Variants in PIK3R1 observed in about 807,000 individuals in gnomAD.
The protein encoded by PIK3R1 is phosphoinositide-3-kinase regulatory subunit 1.
A neutral mutation model predicts 98.0 loss-of-function variants in PIK3R1; 29 were observed. The ratio of observed to expected loss-of-function variants is 0.30; its 90% CI spans 0.22 to 0.40. The LOEUF (loss-of-function observed/expected upper bound fraction) is 0.40. PIK3R1 is among the 10% of genes least tolerant of loss of function. The pLI is 1.00. For missense variants in PIK3R1, 596 were observed against 872.7 expected, an observed-to-expected ratio of 0.68 and a Z score of 3.99; for synonymous variants, 282 against 311.8, an observed-to-expected ratio of 0.90 and a Z score of 1.01.
chr5:68,262,712 G>T (rs1229929291), intron 2 of PIK3R1, among the ~76,000 whole-genome samples: 160 of 128,844 alleles, frequency 1.2e-3, no homozygotes, highest in East Asian at 3.6e-3. Flanking sequence ...GATGCATGTA[G>T]ATGCATGTAT....
chr5:68,249,407 A>G (rs369049557), intron 2 of PIK3R1, among the ~76,000 whole-genome samples: 83 of 152,284 alleles, frequency 5.5e-4, no homozygotes, highest in African/African-American at 2.0e-3. Context: ...GTCTTTTTGT[A>G]TTATATTTCC....
At chr5:68,217,951 T>A (rs1288351309) in intron 1 of PIK3R1, among the ~76,000 whole-genome samples, 1 of 152,218 alleles carries the variant, frequency 6.6e-6, no homozygotes, top group African/African-American at 2.4e-5. Flanking sequence ...CTTAGTTGCA[T>A]AACAGAACTC....
chr5:68,242,574 A>G (rs1744910212), intron 2 of PIK3R1, among the ~76,000 whole-genome samples: 1 of 152,180 alleles, frequency 6.6e-6, no homozygotes, highest in Non-Finnish European at 1.5e-5. Context: ...CTACTGTGAT[A>G]TGGCTTGCCA....
At chr5:68,288,507 G>C (rs533233762) in intron 7 of PIK3R1, 1 of 1,282,772 alleles carries the variant, frequency 7.8e-7, no homozygotes, top group South Asian at 2.2e-5. Context: ...GCGTGGGGCG[G>C]AGGGACGAGC....
chr5:68,276,006 A>C (rs965386317), intron 4 of PIK3R1, among the ~76,000 whole-genome samples: 3 of 152,204 alleles, frequency 2.0e-5, no homozygotes, highest in Non-Finnish European at 4.4e-5. Context: ...GCTGACCCTC[A>C]GGTAAATAAT....
chr5:68,296,460 G>A (rs565596144), intron 15 of PIK3R1, 119 bp downstream of exon 15: 9 of 898,592 alleles, frequency 1.0e-5, no homozygotes, highest in Non-Finnish European at 5.1e-6. Context: ...TAAGCTTACA[G>A]TACAATAATG....
chr5:68,246,662 C>T (rs1662590663), intron 2 of PIK3R1, among the ~76,000 whole-genome samples: 1 of 152,102 alleles, frequency 6.6e-6, no homozygotes, highest in Admixed American at 6.5e-5. Flanking sequence ...CTCGCTCTGT[C>T]GCCCAGGCTG....
Position 68,297,713 on chromosome 5 carries a change from C to A in PIK3R1, c.*112C>A. ...AATTGAGCTGCAGAAACGAAGCCAT[C>A]TTTCTTTGGATGGGACTAGAGCTTT... On this transcript the variant is annotated 3_prime_UTR_variant, in exon 16 of 16. Coordinates refer to ENST00000521381, the MANE Select transcript of PIK3R1 (RefSeq NM_181523.3). 2.3e-6 allele frequency: 2 copies of A among 871,296 alleles called. No homozygotes were observed. Among genetic ancestry groups the A allele is most frequent in the Non-Finnish European group, 3.6e-6 (2 of 554,718 alleles). 54.0% of individuals were successfully genotyped at this position (871,296 alleles called of 1,614,324 possible). A position where few individuals can be genotyped will look rare whatever the true frequency, so the allele number is the denominator to read the frequency against.
At chr5:68,256,202 A>C (rs892987290) in intron 2 of PIK3R1, among the ~76,000 whole-genome samples, 3 of 151,400 alleles carry the variant, frequency 2.0e-5, no homozygotes, top group Non-Finnish European at 4.4e-5. Context: ...ATATCAAAAA[A>C]AAAGTATAAA....
chr5:68,248,151 T>C (rs1398182777), intron 2 of PIK3R1, among the ~76,000 whole-genome samples: 1 of 152,058 alleles, frequency 6.6e-6, no homozygotes. Flanking sequence ...GGCTAATTTT[T>C]GTATTTTTAG....
At chr5:68,249,997 G>GGAAGA (rs1472104490) in intron 2 of PIK3R1, among the ~76,000 whole-genome samples, 3 of 152,128 alleles carry the variant, frequency 2.0e-5, no homozygotes, top group African/African-American at 7.2e-5. Context: ...GTCACCAAAG[G>GGAAGA]GAAGAGAAAA....
chr5:68,242,169 C>T, intron 2 of PIK3R1, among the ~76,000 whole-genome samples: 1 of 152,182 alleles, frequency 6.6e-6, no homozygotes, highest in East Asian at 1.9e-4. Context: ...GAGTTGTACT[C>T]CTTATAGCAA....
At chr5:68,223,552 A>G (rs1216673077) in intron 1 of PIK3R1, among the ~76,000 whole-genome samples, 1 of 152,116 alleles carries the variant, frequency 6.6e-6, no homozygotes, top group Non-Finnish European at 1.5e-5. Context: ...AGAGTCATAG[A>G]AGATTTGTGG....
intron 7 of PIK3R1, chr5:68,291,179 T>C (rs1747366612): frequency 4.5e-6 from 1 of 220,498 alleles, no homozygotes. Flanking sequence ...GCTGCTTTTC[T>C]CTGTTGCCAG....
chr5:68,256,222 T>C (rs2112087384), intron 2 of PIK3R1, among the ~76,000 whole-genome samples: 1 of 152,354 alleles, frequency 6.6e-6, no homozygotes, highest in Admixed American at 6.5e-5. Context: ...AAACATTTTG[T>C]AATTTTTTAT....
At chr5:68,246,420 C>G (rs1745087726) in intron 2 of PIK3R1, among the ~76,000 whole-genome samples, 2 of 151,410 alleles carry the variant, frequency 1.3e-5, no homozygotes, top group African/African-American at 2.4e-5. Context: ...CCAAGCGATT[C>G]TCCTGCCTTA....
Position 68,299,480 on chromosome 5 carries a change from G to A in PIK3R1, c.*1879G>A, listed in dbSNP as rs1171693283. On this transcript the variant is annotated 3_prime_UTR_variant, in exon 16 of 16. Coordinates refer to ENST00000521381, the MANE Select transcript of PIK3R1 (RefSeq NM_181523.3). The stretch of plus-strand genomic sequence containing the variant: ...GCATCATGTTTCCCATTTAGGGCAG[G>A]AGTGAGAGGTCTCTCTTCCTGATTT... 1 of 233,364 alleles carries A rather than the reference G, an allele frequency of 4.3e-6. No homozygotes were observed. The highest frequency in any genetic ancestry group is 6.0e-5 in the East Asian group (1 of 16,588). 14.5% of individuals were successfully genotyped at this position (233,364 alleles called of 1,614,324 possible).
chr5:68,242,163 T>A (rs1744894117), intron 2 of PIK3R1, among the ~76,000 whole-genome samples: 1 of 152,260 alleles, frequency 6.6e-6, no homozygotes, highest in South Asian at 2.1e-4. Flanking sequence ...AATATGGAGT[T>A]GTACTCCTTA....
chr5:68,290,824 G>A (rs1395969319), intron 7 of PIK3R1: 1 of 1,608,434 alleles, frequency 6.2e-7, no homozygotes, highest in Non-Finnish European at 8.5e-7. Flanking sequence ...ATATAGAAAT[G>A]GACCCACCAG....
Sources: gnomAD v4.1 joint callset for allele counts (sites outside exome capture counted in the v4.1 genomes callset) on GRCh38, gnomAD v4.1.1 for gene constraint, MANE v1.5 for transcripts, NCBI Gene and HGNC (gene_info 2026-07-23, HGNC 2026-07-21) for gene names.